The following MELK variants were observed in gnomAD, a reference collection of about 807,000 sequenced individuals.
MELK encodes the protein pEg3 kinase.
In MELK, 81 loss-of-function variants were observed where a neutral mutation model predicts 85.0. The ratio of observed to expected loss-of-function variants is 0.95; its 90% CI spans 0.80 to 1.15. MELK has a LOEUF of 1.15. MELK is among the 50% of genes most tolerant of loss of function. The pLI, the probability that MELK is intolerant of heterozygous loss-of-function variation, is 0.00. For missense variants in MELK, 754 were observed against 777.5 expected, an observed-to-expected ratio of 0.97 and a Z score of 0.36; for synonymous variants, 252 against 265.0, an observed-to-expected ratio of 0.95 and a Z score of 0.48.
At chr9:36,675,968 C>T (rs145457178) in intron 17 of MELK, among the ~76,000 whole-genome samples, 1 of 152,144 alleles carries the variant, frequency 6.6e-6, no homozygotes, top group South Asian at 2.1e-4. Flanking sequence ...CCCTGGCATT[C>T]CTCTCAGGCT....
At chr9:36,649,528 G>A (rs1014868344) in intron 11 of MELK, among the ~76,000 whole-genome samples, 10 of 152,040 alleles carry the variant, frequency 6.6e-5, no homozygotes, top group African/African-American at 2.2e-4. Flanking sequence ...CACTTTGGGA[G>A]GCTGAGGCGG....
At chr9:36,608,277 CAAAAAAAAAA>C (rs1161984583) in intron 8 of MELK, among the ~76,000 whole-genome samples, 2 of 38,924 alleles carry the variant, frequency 5.1e-5, no homozygotes, top group Non-Finnish European at 5.7e-5. Context: ...GACTCTGTCT[CAAAAAAAAAA>C]AAAAAAAAAA....
At chr9:36,584,075 G>T (rs1317215769) in intron 3 of MELK, among the ~76,000 whole-genome samples, 2 of 151,570 alleles carry the variant, frequency 1.3e-5, no homozygotes, top group African/African-American at 4.8e-5. Context: ...GCGCGATCTC[G>T]GCTCACTGCA....
At chr9:36,582,318 G>A (rs1472676901) in intron 2 of MELK, among the ~76,000 whole-genome samples, 3 of 152,202 alleles carry the variant, frequency 2.0e-5, no homozygotes, top group African/African-American at 7.2e-5. Flanking sequence ...GGAGAGTTTT[G>A]AGTTAAGGGG....
chr9:36,587,636 C>T (rs766524126), intron 3 of MELK, among the ~76,000 whole-genome samples: 4 of 146,966 alleles, frequency 2.7e-5, no homozygotes, highest in East Asian at 2.1e-4. Context: ...TTTTCTGATA[C>T]GGAGTTTCGC....
At chr9:36,647,378 C>T (rs1830304147) in intron 11 of MELK, among the ~76,000 whole-genome samples, 1 of 152,112 alleles carries the variant, frequency 6.6e-6, no homozygotes, top group Non-Finnish European at 1.5e-5. Flanking sequence ...GGGAAAAAGT[C>T]TTTAATGTAG....
chr9:36,607,866 C>T (rs1431524189), intron 8 of MELK, among the ~76,000 whole-genome samples, 193 bp downstream of exon 8: 2 of 152,192 alleles, frequency 1.3e-5, no homozygotes, highest in Non-Finnish European at 2.9e-5. Flanking sequence ...GTTGGCTACA[C>T]TTGTATACAG....
At chr9:36,587,831 GT>G (rs1823092719) in intron 3 of MELK, among the ~76,000 whole-genome samples, 1 of 151,246 alleles carries the variant, frequency 6.6e-6, no homozygotes, top group East Asian at 1.9e-4. Flanking sequence ...CTGGAGTGCA[GT>G]GGCACGATCT....
Position 36,677,352 on chromosome 9 carries a change from C to T in MELK, c.*15C>T. The T allele has an allele frequency of 6.2e-7, 1 of 1,602,990 alleles. No homozygotes were observed. Among genetic ancestry groups the T allele is most frequent in the Non-Finnish European group, 8.5e-7 (1 of 1,173,224 alleles). On this transcript the variant is annotated 3_prime_UTR_variant, in exon 18 of 18. Coordinates refer to ENST00000298048, the MANE Select transcript of MELK (RefSeq NM_014791.4). The stretch of plus-strand genomic sequence containing the variant: ...GCAAGGTATAATTGATGGATTCTTC[C>T]ATCCTGCCGGATGAGTGTGGGTGTG...
intron 11 of MELK, among the ~76,000 whole-genome samples, chr9:36,646,474 C>G (rs564057383): frequency 2.8e-4 from 43 of 152,182 alleles, no homozygotes; most frequent in Non-Finnish European, 5.0e-4. Context: ...TATACAGGAG[C>G]ACTCTGAAAC....
intron 8 of MELK, among the ~76,000 whole-genome samples, chr9:36,620,526 G>C (rs1435865938): frequency 1.4e-5 from 2 of 142,090 alleles, no homozygotes; most frequent in Non-Finnish European, 3.1e-5. Flanking sequence ...AATTTTTCTT[G>C]TTTCAGCCTA....
intron 16 of MELK, among the ~76,000 whole-genome samples, chr9:36,673,098 G>T (rs986730242): frequency 6.6e-6 from 1 of 152,108 alleles, no homozygotes; most frequent in Admixed American, 6.5e-5. Flanking sequence ...TTAGGAAGCA[G>T]TCTATAAAAA....
In MELK at chr9:36,618,522, C is replaced by G. The variant is rs78022451; in HGVS notation, c.666+10849C>G. Among the ~76,000 whole-genome samples the G allele has an allele frequency of 4.0e-4, 61 of 152,020 alleles. No homozygotes were observed. In the East Asian group the frequency reaches 0.012, roughly 29 times the overall value. ...TATATAAGTCCTTATTTAAAATAGT[C>G]TTGCTAATTTCAAGTTTTGCAGACA... On this transcript the variant is annotated intron_variant, in intron 8 of 17. Transcript: ENST00000298048.
chr9:36,650,260 TA>T (rs74181199), intron 11 of MELK, among the ~76,000 whole-genome samples: 30 of 150,486 alleles, frequency 2.0e-4, no homozygotes, highest in African/African-American at 7.1e-4. Context: ...TATTAAAAAT[TA>T]AAAAAAAAAT....
At chr9:36,582,067 G>T (rs1333949207) in intron 2 of MELK, among the ~76,000 whole-genome samples, 1 of 151,966 alleles carries the variant, frequency 6.6e-6, no homozygotes, top group East Asian at 1.9e-4. Flanking sequence ...TGCCTCCCGG[G>T]TTCACGCCAT....
At chr9:36,633,058 C>G (rs1315825746) in intron 9 of MELK, 44 bp from the exon 10 acceptor site, 1 of 1,353,286 alleles carries the variant, frequency 7.4e-7, no homozygotes, top group East Asian at 2.3e-5. Flanking sequence ...TCTATGTTCT[C>G]TATTTGAAAT....
chr9:36,671,257 G>A, intron 16 of MELK, 91 bp downstream of exon 16: 1 of 1,298,602 alleles, frequency 7.7e-7, no homozygotes, highest in Non-Finnish European at 1.0e-6. Context: ...ATTGATTAGT[G>A]TTTTTTATTT....
intron 1 of MELK, among the ~76,000 whole-genome samples, chr9:36,576,909 A>T (rs1821720853): frequency 6.6e-6 from 1 of 152,210 alleles, no homozygotes; most frequent in Non-Finnish European, 1.5e-5. Context: ...CAGGCATAGA[A>T]AAATGATATT....
intron 8 of MELK, among the ~76,000 whole-genome samples, chr9:36,612,819 CT>C (rs1468383800): frequency 6.6e-6 from 1 of 152,084 alleles, no homozygotes; most frequent in Non-Finnish European, 1.5e-5. Flanking sequence ...CTTTCTTTTA[CT>C]TTTCTTGGGG....
Sources: allele counts gnomAD v4.1 joint callset (sites outside exome capture counted in the v4.1 genomes callset), GRCh38; gene constraint gnomAD v4.1.1; transcripts MANE v1.5; gene names NCBI Gene and HGNC (gene_info 2026-07-23, HGNC 2026-07-21).